Variants in LGI2 observed in about 807,000 individuals in gnomAD.
The protein encoded by LGI2 is leucine-rich repeat LGI family member 2.
A neutral mutation model predicts 52.0 loss-of-function variants in LGI2; 30 were observed. The observed-to-expected ratio is 0.58, with a 90% CI of 0.43 to 0.78. The LOEUF is 0.78. Among genes scored for constraint, LGI2 ranks in the 30% least tolerant of loss-of-function variants. LGI2 has a pLI of 0.00. For synonymous variants in LGI2, 270 were observed against 271.8 expected (o/e 0.99, Z 0.06); for missense variants, 573 against 692.5 (o/e 0.83, Z 1.94).
chr4:25,028,156 GA>G (rs1206649661), intron 2 of LGI2, among the ~76,000 whole-genome samples: 4 of 152,192 alleles, frequency 2.6e-5, no homozygotes, highest in African/African-American at 7.2e-5. Flanking sequence ...GTAACATTAA[GA>G]TTTTAAAATG....
intron 2 of LGI2, 104 bp downstream of exon 2, chr4:25,028,403 G>T: frequency 9.9e-7 from 1 of 1,005,340 alleles, no homozygotes; most frequent in Non-Finnish European, 1.5e-6. Context: ...TCCTCACGGA[G>T]CTGGGGTACT....
chr4:25,020,035 G>T (rs1725905951), intron 4 of LGI2, among the ~76,000 whole-genome samples: 1 of 152,140 alleles, frequency 6.6e-6, no homozygotes, highest in South Asian at 2.1e-4. Context: ...TTACAGTCTT[G>T]TCCCAAGAAG....
At position 25,026,776 on chromosome 4, in the gene LGI2, C is replaced by T. The variant is rs776375365; in HGVS notation, c.341+92G>A. 5 of 990,274 alleles carry T rather than the reference C, an allele frequency of 5.0e-6. No homozygotes were observed. In the African/African-American group the frequency reaches 8.0e-5, roughly 16 times the overall value. 61.3% of individuals were successfully genotyped at this position (990,274 alleles called of 1,614,324 possible). On this transcript the variant is annotated intron_variant, in intron 3 of 7. Coordinates refer to ENST00000382114, the MANE Select transcript of LGI2 (RefSeq NM_018176.4). ...TTCTCCAGTTTCTCCACCCCTAAACCCTTGCAGAGATGCTGTTCCAGCACA... is the reference window on the plus strand; with the variant it reads ...TTCTCCAGTTTCTCCACCCCTAAACTCTTGCAGAGATGCTGTTCCAGCACA...
At chr4:25,008,420 G>C (rs776225450) in intron 7 of LGI2, among the ~76,000 whole-genome samples, 1 of 152,002 alleles carries the variant, frequency 6.6e-6, no homozygotes, top group Non-Finnish European at 1.5e-5. Context: ...AGGCATGGTG[G>C]TGTGTGCCTG....
intron 1 of LGI2, 32 bp downstream of exon 1, chr4:25,030,465 G>C: frequency 6.8e-7 from 1 of 1,475,718 alleles, no homozygotes; most frequent in Non-Finnish European, 9.1e-7. Flanking sequence ...GGTGGGGCGG[G>C]ACGGGATGGG....
At chr4:25,019,955 C>G (rs1725902151) in intron 4 of LGI2, among the ~76,000 whole-genome samples, 1 of 152,188 alleles carries the variant, frequency 6.6e-6, no homozygotes, top group Non-Finnish European at 1.5e-5. Context: ...GCCTGGCACA[C>G]AGCAGGTACT....
chr4:25,025,739 C>T (rs1048417945), intron 3 of LGI2, among the ~76,000 whole-genome samples: 8 of 152,190 alleles, frequency 5.3e-5, no homozygotes, highest in African/African-American at 7.2e-5. Flanking sequence ...ACATCATCAA[C>T]GAATTAGTTC....
the LGI2 span, among the ~76,000 whole-genome samples, chr4:24,992,168 T>C: frequency 2.6e-5 from 4 of 152,176 alleles, no homozygotes; most frequent in Admixed American, 6.5e-5. Flanking sequence ...CACAGGAAAG[T>C]GCTAGCTCTC....
chr4:25,003,695 A>G lies in LGI2; in HGVS notation c.1394T>C (p.Met465Thr), dbSNP rs1257812343. ...EIQALPSRGAMTLQPFSFKDN... is the reference protein window; with the variant it reads ...EIQALPSRGATTLQPFSFKDN... The stretch of plus-strand genomic sequence containing the variant: ...TTTAAAAGAAAAGGGCTGCAGGGTC[A>G]TGGCCCCCCGGGATGGAAGAGCTTG... Residue 465 changes from methionine (M) to threonine (T), a missense_variant, in exon 8 of 8, where the codon ATG becomes ACG. Physicochemically the swap from Met to Thr is moderately conservative, Grantham distance 81. Transcript: ENST00000382114. 6.2e-7 allele frequency: 1 copy of G among 1,614,230 alleles called. No individual in the cohort carries two copies. Among genetic ancestry groups the G allele is most frequent in the Non-Finnish European group, 8.5e-7 (1 of 1,180,040 alleles).
chr4:25,003,371 T>G lies in LGI2; in HGVS notation c.*80A>C. ...TAATTTCAGAGCTCTGAGCCTGGCTTTGATTTGTTTGTTGATTTTTCTTGG... is the reference window on the plus strand; with the variant it reads ...TAATTTCAGAGCTCTGAGCCTGGCTGTGATTTGTTTGTTGATTTTTCTTGG... On this transcript the variant is annotated 3_prime_UTR_variant, in exon 8 of 8. Transcript: ENST00000382114. 9.8e-7 allele frequency: 1 copy of G among 1,015,344 alleles called. No individual in the cohort carries two copies. 62.9% of individuals were successfully genotyped at this position (1,015,344 alleles called of 1,614,324 possible).
intron 4 of LGI2, among the ~76,000 whole-genome samples, chr4:25,021,350 G>A (rs988294611): frequency 5.9e-5 from 9 of 152,192 alleles, no homozygotes; most frequent in African/African-American, 1.7e-4. Context: ...GTTACAGATT[G>A]GCACAGGTCC....
intron 2 of LGI2, 43 bp from the exon 3 acceptor site, chr4:25,026,982 G>T: frequency 7.1e-7 from 1 of 1,411,864 alleles, no homozygotes. Flanking sequence ...TGTAAAACTT[G>T]AGTCACATGG....
Position 25,003,241 on chromosome 4 carries a change from T to C in LGI2, c.*210A>G, listed in dbSNP as rs1484369524. On this transcript the variant is annotated 3_prime_UTR_variant, in exon 8 of 8. Coordinates refer to ENST00000382114, the MANE Select transcript of LGI2 (RefSeq NM_018176.4). The stretch of plus-strand genomic sequence containing the variant: ...AAATTACAGGCTTTAAGATTTTTTT[T>C]TAAATGGTAGAATGGGCATGTCATG... 1 of 466,850 alleles carries C rather than the reference T, an allele frequency of 2.1e-6. No homozygotes were observed. The highest frequency in any genetic ancestry group is 3.4e-5 in the East Asian group (1 of 29,042). The allele number at this position is 466,850 out of a possible 1,614,324, so 28.9% of individuals were successfully genotyped here.
chr4:24,996,893 G>A (rs1437284088), downstream of LGI2, among the ~76,000 whole-genome samples: 2 of 152,220 alleles, frequency 1.3e-5, no homozygotes, highest in African/African-American at 4.8e-5. Flanking sequence ...GGTGTGTGCA[G>A]GAGCATGCTC....
rs7689760 is a variant in LGI2 at position 24,999,817 on chromosome 4, T to C, written c.*3634A>G. 221,876 of 455,722 alleles carry C rather than the reference T, an allele frequency of 0.49. 56,323 individuals carry two copies. The highest frequency in any genetic ancestry group is 0.78 in the East Asian group (11,136 of 14,368). 28.2% of individuals were successfully genotyped at this position (455,722 alleles called of 1,614,324 possible). On this transcript the variant is annotated 3_prime_UTR_variant, in exon 8 of 8. Transcript: ENST00000382114. ...GCAACTCTGCCATTTCCAGTGTGCT[T>C]CCTGAAGGCTGATGACGGCCGAGAG...
chr4:25,029,696 C>G (rs766314025), intron 1 of LGI2, among the ~76,000 whole-genome samples: 1 of 152,234 alleles, frequency 6.6e-6, no homozygotes, highest in Non-Finnish European at 1.5e-5. Flanking sequence ...ATGTGAAGCC[C>G]TTTCCTGTCA....
intron 3 of LGI2, among the ~76,000 whole-genome samples, chr4:25,025,920 T>G (rs1423321370): frequency 6.6e-6 from 1 of 152,218 alleles, no homozygotes; most frequent in Non-Finnish European, 1.5e-5. Flanking sequence ...CCATTGGCTA[T>G]GTATGTGCTT....
In LGI2 at chr4:25,019,100, G is replaced by A. The variant is rs1725864076; in HGVS notation, c.485+67C>T. The A allele has an allele frequency of 8.4e-6, 8 of 956,454 alleles. No individual in the cohort carries two copies. In the Admixed American group the frequency reaches 9.0e-5, roughly 11 times the overall value. The allele number at this position is 956,454 out of a possible 1,614,324, so 59.2% of individuals were successfully genotyped here. On this transcript the variant is annotated intron_variant, in intron 5 of 7. Coordinates refer to ENST00000382114, the MANE Select transcript of LGI2 (RefSeq NM_018176.4). ...GAAATGCATAAAAGAAAGGCGAGAGGGGATTGAAAGACATGATTAACTGGG... is the reference window on the plus strand; with the variant it reads ...GAAATGCATAAAAGAAAGGCGAGAGAGGATTGAAAGACATGATTAACTGGG...
At chr4:25,019,097 G>C (rs1057368971) in intron 5 of LGI2, 70 bp downstream of exon 5, 1 of 936,552 alleles carries the variant, frequency 1.1e-6, no homozygotes, top group Admixed American at 1.8e-5. Context: ...AGAAAGGCGA[G>C]AGGGGATTGA....
Sources: gnomAD v4.1 joint callset for allele counts (sites outside exome capture counted in the v4.1 genomes callset) on GRCh38, gnomAD v4.1.1 for gene constraint, MANE v1.5 for transcripts, NCBI Gene and HGNC (gene_info 2026-07-23, HGNC 2026-07-21) for gene names.